The following MINDY4 variants were observed in gnomAD, a reference collection of about 807,000 sequenced individuals.
MINDY4 encodes probable ubiquitin carboxyl-terminal hydrolase MINDY-4.
Under a neutral mutation model 87.0 loss-of-function variants are expected in MINDY4, and 68 were observed. That is an observed-to-expected ratio of 0.78 (90% confidence interval 0.64 to 0.96). The LOEUF is 0.96. Among genes scored for constraint, MINDY4 ranks in the 40% least tolerant of loss-of-function variants. The pLI, the probability that MINDY4 is intolerant of heterozygous loss-of-function variation, is 0.00. For missense variants in MINDY4, 919 were observed against 928.2 expected, an observed-to-expected ratio of 0.99 and a Z score of 0.13; for synonymous variants, 379 against 363.2, an observed-to-expected ratio of 1.04 and a Z score of -0.50.
Position 30,791,215 on chromosome 7 carries a change from C to T in MINDY4, c.714C>T (p.Ser238=). 6.2e-7 allele frequency: 1 copy of T among 1,614,142 alleles called. No homozygotes were observed. Among genetic ancestry groups the T allele is most frequent in the Non-Finnish European group, 8.5e-7 (1 of 1,180,008 alleles). ...YLRRSSPSSS[S]TQPQEESRKV... ...GACGGTCCTCACCGTCAAGCAGCTCCACCCAACCCCAAGAAGAGAGCCGGA... is the reference window on the plus strand; with the variant it reads ...GACGGTCCTCACCGTCAAGCAGCTCTACCCAACCCCAAGAAGAGAGCCGGA... The change falls in exon 5 of 18, where the codon TCC becomes TCT. Residue 238 remains serine, a synonymous_variant. Coordinates refer to ENST00000265299, the MANE Select transcript of MINDY4 (RefSeq NM_032222.3).
rs149788454 is a variant in MINDY4, at chr7:30,791,793, G to C, written c.1073+219G>C. ...GAAAGCTGAAGAATGCTCTAGACAG[G>C]GGTGTCCAACCTTTTGGCTTCCCTG... On this transcript the variant is annotated intron_variant, in intron 5 of 17. Coordinates refer to ENST00000265299, the MANE Select transcript of MINDY4 (RefSeq NM_032222.3). Among the ~76,000 whole-genome samples the C allele has an allele frequency of 2.9e-3, 436 of 152,290 alleles. 1 individual carries two copies. The highest frequency in any genetic ancestry group is 1.0e-2 in the African/African-American group (415 of 41,566).
chr7:30,826,612 A>G (rs781437002), intron 5 of MINDY4, among the ~76,000 whole-genome samples: 26 of 151,802 alleles, frequency 1.7e-4, no homozygotes, highest in Non-Finnish European at 2.9e-4. Context: ...GCCTTGCAGG[A>G]TACCTTCATG....
chr7:30,888,989 A>T (rs1403395702), intron 17 of MINDY4, among the ~76,000 whole-genome samples: 1 of 151,814 alleles, frequency 6.6e-6, no homozygotes. Flanking sequence ...AGCTCATACG[A>T]GGTACTTCAG....
At chr7:30,808,795 G>A (rs1404303685) in intron 5 of MINDY4, among the ~76,000 whole-genome samples, 1 of 152,040 alleles carries the variant, frequency 6.6e-6, no homozygotes, top group East Asian at 1.9e-4. Context: ...GGTTACAGCT[G>A]GTTTTAGAGC....
chr7:30,856,571 C>T (rs1789577381), intron 12 of MINDY4, among the ~76,000 whole-genome samples: 1 of 151,932 alleles, frequency 6.6e-6, no homozygotes, highest in African/African-American at 2.4e-5. Context: ...GGTAGGTAGG[C>T]GTTACAGGCA....
intron 12 of MINDY4, among the ~76,000 whole-genome samples, chr7:30,855,867 TCC>T (rs1281389223): frequency 6.6e-6 from 1 of 152,350 alleles, no homozygotes; most frequent in Admixed American, 6.5e-5. Context: ...AAGGCAGCTC[TCC>T]CCCTGCAGTT....
At chr7:30,871,575 T>C (rs1447780352) in intron 13 of MINDY4, among the ~76,000 whole-genome samples, 1 of 152,218 alleles carries the variant, frequency 6.6e-6, no homozygotes, top group East Asian at 1.9e-4. Context: ...GTTTGGGGAA[T>C]GTCTTCAGCA....
At chr7:30,839,967 C>T (rs759714668) in intron 8 of MINDY4, among the ~76,000 whole-genome samples, 6 of 152,120 alleles carry the variant, frequency 3.9e-5, no homozygotes, top group Non-Finnish European at 7.3e-5. Flanking sequence ...GGTTCAGTTT[C>T]TTAAGCCCCA....
chr7:30,842,250 T>TG (rs1789064020), intron 9 of MINDY4, among the ~76,000 whole-genome samples: 1 of 152,216 alleles, frequency 6.6e-6, no homozygotes, highest in Non-Finnish European at 1.5e-5. Context: ...CCCTCCCCTT[T>TG]GCTCTCCGGT....
chr7:30,828,388 A>T (rs1186147595), intron 5 of MINDY4, among the ~76,000 whole-genome samples: 3 of 152,116 alleles, frequency 2.0e-5, no homozygotes, highest in South Asian at 2.1e-4. Context: ...GAGATAGCCT[A>T]CATGCAGTGC....
intron 11 of MINDY4, 43 bp downstream of exon 11, chr7:30,852,322 T>C (rs549681370): frequency 4.1e-5 from 66 of 1,613,680 alleles, no homozygotes; most frequent in Middle Eastern, 1.7e-4. Context: ...TTGGCTTTGT[T>C]TGGGGACTGT....
At chr7:30,866,443 G>A (rs1789938116) in intron 13 of MINDY4, among the ~76,000 whole-genome samples, 1 of 152,218 alleles carries the variant, frequency 6.6e-6, no homozygotes, top group African/African-American at 2.4e-5. Flanking sequence ...TGTCACCTGG[G>A]GTAGGTGTGG....
intron 9 of MINDY4, among the ~76,000 whole-genome samples, chr7:30,846,909 G>C (rs1379928455): frequency 6.6e-6 from 1 of 152,172 alleles, no homozygotes; most frequent in Non-Finnish European, 1.5e-5. Flanking sequence ...CTGCTGATCT[G>C]ACAGCAGGCA....
intron 13 of MINDY4, among the ~76,000 whole-genome samples, chr7:30,860,339 C>T (rs541556430): frequency 5.1e-4 from 77 of 152,194 alleles, no homozygotes; most frequent in African/African-American, 1.5e-3. Flanking sequence ...TGGCCTCGTG[C>T]GCCAGGCTGC....
rs373198093 is a variant in MINDY4, at chr7:30,850,493, C to T, written c.1485C>T (p.Leu495=). The change falls in exon 10 of 18, where the codon CTC becomes CTT. Residue 495 remains leucine, a synonymous_variant. Coordinates refer to ENST00000265299, the MANE Select transcript of MINDY4 (RefSeq NM_032222.3). ...QPSDAHRTRC[L]VLALADIVWR... is the part of the protein sequence containing the mutation. ...CAGATGCCCACCGGACCCGCTGCCT[C>T]GTCCTGGCCCTCGCAGACATTGTGT... 94 of 1,612,616 alleles carry T rather than the reference C, an allele frequency of 5.8e-5. No homozygotes were observed. In the African/African-American group the frequency reaches 9.5e-4, roughly 16 times the overall value.
chr7:30,852,383 C>G, intron 11 of MINDY4, 104 bp downstream of exon 11: 2 of 1,569,528 alleles, frequency 1.3e-6, no homozygotes, highest in Non-Finnish European at 1.7e-6. Context: ...GCTGGCCTTC[C>G]GCAGCCCAGG....
intron 13 of MINDY4, among the ~76,000 whole-genome samples, chr7:30,863,990 CACTG>C (rs1237552208): frequency 6.6e-6 from 1 of 152,194 alleles, no homozygotes; most frequent in Non-Finnish European, 1.5e-5. Flanking sequence ...ACCTGGGCAG[CACTG>C]AGCATGGGCT....
chr7:30,788,281 C>T (rs2128167571), intron 4 of MINDY4, among the ~76,000 whole-genome samples: 1 of 152,330 alleles, frequency 6.6e-6, no homozygotes, highest in African/African-American at 2.4e-5. Flanking sequence ...GTTGTAGTTT[C>T]TTAATGTGAA....
At chr7:30,873,344 G>C (rs1159603744) in intron 14 of MINDY4, among the ~76,000 whole-genome samples, 1 of 152,198 alleles carries the variant, frequency 6.6e-6, no homozygotes, top group African/African-American at 2.4e-5. Context: ...GGGTGCAGAG[G>C]AACCCAGATC....
Sources: gnomAD v4.1 joint callset for allele counts (sites outside exome capture counted in the v4.1 genomes callset) on GRCh38, gnomAD v4.1.1 for gene constraint, MANE v1.5 for transcripts, NCBI Gene and HGNC (gene_info 2026-07-23, HGNC 2026-07-21) for gene names.